Variants in TECPR2 observed in about 807,000 individuals in gnomAD.
TECPR2 encodes the protein tectonin beta-propeller repeat-containing protein 2.
A neutral mutation model predicts 138.1 loss-of-function variants in TECPR2; 65 were observed. The observed-to-expected ratio is 0.47, with a 90% confidence interval of 0.39 to 0.58. The LOEUF is 0.58. TECPR2 is among the 20% of genes least tolerant of loss of function. The pLI, the probability that TECPR2 is intolerant of heterozygous loss-of-function variation, is 0.00. For missense variants in TECPR2, 1,553 were observed against 1,824.5 expected, an observed-to-expected ratio of 0.85 and a Z score of 2.71; for synonymous variants, 746 against 749.8, an observed-to-expected ratio of 0.99 and a Z score of 0.08.
intron 2 of TECPR2, 47 bp downstream of exon 2, chr14:102,376,987 G>A (rs1337871160): frequency 6.4e-7 from 1 of 1,570,538 alleles, no homozygotes; most frequent in South Asian, 1.1e-5. Flanking sequence ...AGCCATAGCT[G>A]ACGCTTAACA....
rs754053942 is a variant in TECPR2 at position 102,497,519 on chromosome 14, G to A, written c.3932-51G>A. 34 of 1,443,370 alleles carry A rather than the reference G, an allele frequency of 2.4e-5. 1 individual carries two copies. The South Asian group carries it at 2.8e-4, about 12-fold the overall frequency. The allele number at this position is 1,443,370 out of a possible 1,614,324, so 89.4% of individuals were successfully genotyped here. A position where few individuals can be genotyped will look rare whatever the true frequency, so the allele number is the denominator to read the frequency against. ...CACAAGAGTCGGCTTGGGAAGCAGC[G>A]GCCCATCCCGTCCATGGCAGGGGCT... On this transcript the variant is annotated intron_variant, in intron 18 of 19. Coordinates refer to ENST00000359520, the MANE Select transcript of TECPR2 (RefSeq NM_014844.5).
rs747060928 is a variant in TECPR2, at chr14:102,449,703, G to A, written c.3150G>A (p.Val1050=). 6 of 1,614,044 alleles carry A rather than the reference G, an allele frequency of 3.7e-6. No homozygotes were observed. The African/African-American group carries it at 8.0e-5, about 22-fold the overall frequency. The stretch of plus-strand genomic sequence containing the variant: ...CGATAATCCATGCCACTCACTCGGT[G>A]GCCACAGCAGCCCAAGCCCCCGTAG... ...FQTIIHATHS[V]ATAAQAPVEK... The change falls in exon 14 of 20, where the codon GTG becomes GTA. Residue 1050 remains valine (V), a synonymous_variant. Coordinates refer to ENST00000359520, the MANE Select transcript of TECPR2 (RefSeq NM_014844.5).
At chr14:102,432,458 G>A (rs1397601476) in intron 8 of TECPR2, among the ~76,000 whole-genome samples, 1 of 151,830 alleles carries the variant, frequency 6.6e-6, no homozygotes, top group Non-Finnish European at 1.5e-5. Flanking sequence ...TTCGCTCGTC[G>A]CCCAGGCTGG....
intron 4 of TECPR2, among the ~76,000 whole-genome samples, chr14:102,414,156 G>A (rs1028649145): frequency 6.6e-6 from 1 of 152,142 alleles, no homozygotes; most frequent in Non-Finnish European, 1.5e-5. Flanking sequence ...TTTGTGAGGG[G>A]AGACTATAAT....
rs1891383921 is a variant in TECPR2 at position 102,499,344 on chromosome 14, A to G, written c.*1087A>G. ...CTTTGTTGTTGTATTACAAATCTGC[A>G]TAAAATACCTCATTTCAAATCAAAT... On this transcript the variant is annotated 3_prime_UTR_variant, in exon 20 of 20. Transcript: ENST00000359520. The G allele has an allele frequency of 5.0e-6, 3 of 601,484 alleles. No individual in the cohort carries two copies. The highest frequency in any genetic ancestry group is 1.9e-5 in the African/African-American group (1 of 53,994). The allele number at this position is 601,484 out of a possible 1,614,324, so 37.3% of individuals were successfully genotyped here.
chr14:102,480,504 G>C (rs981565869), intron 17 of TECPR2, among the ~76,000 whole-genome samples: 1 of 152,016 alleles, frequency 6.6e-6, no homozygotes, highest in Non-Finnish European at 1.5e-5. Context: ...GATTACAGGC[G>C]TGAGCCACCA....
At chr14:102,424,683 G>A (rs1006732220) in intron 5 of TECPR2, among the ~76,000 whole-genome samples, 2 of 152,206 alleles carry the variant, frequency 1.3e-5, no homozygotes, top group Non-Finnish European at 2.9e-5. Context: ...GTTGTTGTAA[G>A]GATTAGACAC....
At chr14:102,485,395 C>T (rs1282502476) in intron 17 of TECPR2, among the ~76,000 whole-genome samples, 5 of 152,240 alleles carry the variant, frequency 3.3e-5, no homozygotes, top group Admixed American at 1.3e-4. Context: ...TCCATGTTGC[C>T]TTTTTTTCCT....
At chr14:102,396,311 C>G (rs1888314550) in intron 2 of TECPR2, among the ~76,000 whole-genome samples, 1 of 152,080 alleles carries the variant, frequency 6.6e-6, no homozygotes, top group Non-Finnish European at 1.5e-5. Flanking sequence ...CCGTGTTGGC[C>G]AGGCTGGTCT....
At chr14:102,376,965 T>C (rs773515339) in intron 2 of TECPR2, 25 bp downstream of exon 2, 1 of 1,586,076 alleles carries the variant, frequency 6.3e-7, no homozygotes. Context: ...GCTTTTCACC[T>C]GAGGGGGCAC....
Position 102,415,280 on chromosome 14 carries a change from C to T in TECPR2, c.638+487C>T, listed in dbSNP as rs947759754. On this transcript the variant is annotated intron_variant, in intron 5 of 19. Transcript: ENST00000359520. The surrounding 1 kb of genome is among the most constrained non-coding windows in gnomAD (Gnocchi z 4.3). ...AAACACAGATAGAACACTTGTTGAC[C>T]ACTGTGTCAGCTGCTGTGGACCAAA... Among the ~76,000 whole-genome samples the T allele has an allele frequency of 2.0e-5, 3 of 152,188 alleles. No homozygotes were observed. The highest frequency in any genetic ancestry group is 7.2e-5 in the African/African-American group (3 of 41,434).
Position 102,498,784 on chromosome 14 carries a change from C to T in TECPR2, c.*527C>T, listed in dbSNP as rs1284635933. On this transcript the variant is annotated 3_prime_UTR_variant, in exon 20 of 20. Coordinates refer to ENST00000359520, the MANE Select transcript of TECPR2 (RefSeq NM_014844.5). Reference sequence around the variant, plus strand: ...TGCAGAGCACATTCCATGCCAGACGCTCTGGCCAGGAAGCTGAGGCCGGGC... The same window carrying T: ...TGCAGAGCACATTCCATGCCAGACGTTCTGGCCAGGAAGCTGAGGCCGGGC... 1.9e-6 allele frequency: 1 copy of T among 519,520 alleles called. No individual in the cohort carries two copies. Among genetic ancestry groups the T allele is most frequent in the Non-Finnish European group, 3.7e-6 (1 of 268,584 alleles). 32.2% of individuals were successfully genotyped at this position (519,520 alleles called of 1,614,324 possible). A position where few individuals can be genotyped will look rare whatever the true frequency, so the allele number is the denominator to read the frequency against.
intron 17 of TECPR2, among the ~76,000 whole-genome samples, chr14:102,467,551 C>G (rs1047303137): frequency 1.3e-5 from 2 of 152,076 alleles, no homozygotes; most frequent in Non-Finnish European, 2.9e-5. Flanking sequence ...TCTCGAACTC[C>G]TGACCTCAGG....
chr14:102,400,092 C>T (rs1888435843), intron 2 of TECPR2, among the ~76,000 whole-genome samples: 1 of 148,432 alleles, frequency 6.7e-6, no homozygotes, highest in African/African-American at 2.5e-5. Context: ...GTCACCCAGG[C>T]TGGAGTACAG....
intron 16 of TECPR2, among the ~76,000 whole-genome samples, chr14:102,458,090 TC>T (rs539731661): frequency 1.8e-3 from 274 of 152,072 alleles, no homozygotes; most frequent in African/African-American, 6.2e-3. Context: ...GCCAGGCTGG[TC>T]TCTAACTCCT....
At chr14:102,428,221 TG>T (rs56136617) in intron 6 of TECPR2, 28 bp from the exon 7 acceptor site, 14,594 of 1,409,706 alleles carry the variant, frequency 0.01, 212 homozygotes, top group Non-Finnish European at 0.011. Flanking sequence ...TTGTGTTTTT[TG>T]TTTTTTTTTT....
At chr14:102,395,775 G>C (rs892957094) in intron 2 of TECPR2, among the ~76,000 whole-genome samples, 1 of 152,190 alleles carries the variant, frequency 6.6e-6, no homozygotes, top group African/African-American at 2.4e-5. Context: ...TCCGGCCTGG[G>C]CGACAGAGCG....
chr14:102,454,179 AG>A (rs1890220926), intron 16 of TECPR2, among the ~76,000 whole-genome samples: 1 of 150,800 alleles, frequency 6.6e-6, no homozygotes, highest in South Asian at 2.1e-4. Context: ...AAAAGAAAGC[AG>A]GAAGAGAAGG....
rs1219497545 is a variant in TECPR2, at chr14:102,407,928, C to T, written c.348+462C>T. Among the ~76,000 whole-genome samples the T allele has an allele frequency of 2.6e-5, 4 of 151,962 alleles. No individual in the cohort carries two copies. In the East Asian group the frequency reaches 5.8e-4, roughly 22 times the overall value. ...AGGAGAATGGCGTGAACCCGGAAGA[C>T]GGAGCTTGCAGTGAGCGGAGATCAC... On this transcript the variant is annotated intron_variant, in intron 3 of 19. Coordinates refer to ENST00000359520, the MANE Select transcript of TECPR2 (RefSeq NM_014844.5).
Sources: gnomAD v4.1 joint callset for allele counts (sites outside exome capture counted in the v4.1 genomes callset) on GRCh38, gnomAD v4.1.1 for gene constraint, Gnocchi (gnomAD v3.1) non-coding constraint, MANE v1.5 for transcripts, NCBI Gene and HGNC (gene_info 2026-07-23, HGNC 2026-07-21) for gene names.